Variants in EXOC6 observed in about 807,000 individuals in gnomAD.
EXOC6 encodes exocyst complex component 6.
EXOC6 carries 60 observed loss-of-function variants against 112.5 expected under a neutral mutation model. That is an observed-to-expected ratio of 0.53 (90% CI 0.43 to 0.66). The LOEUF (loss-of-function observed/expected upper bound fraction) is 0.66, where lower values mean the gene tolerates loss of function less well. EXOC6 is among the 30% of genes least tolerant of loss of function. EXOC6 has a pLI of 0.00. For synonymous variants in EXOC6, 295 were observed against 308.0 expected, an observed-to-expected ratio of 0.96 and a Z score of 0.44; for missense variants, 855 against 957.1, an observed-to-expected ratio of 0.89 and a Z score of 1.41.
At chr10:92,932,313 C>T (rs1852087702) in intron 9 of EXOC6, among the ~76,000 whole-genome samples, 1 of 152,014 alleles carries the variant, frequency 6.6e-6, no homozygotes, top group African/African-American at 2.4e-5. Context: ...TAATTCTCTA[C>T]AAAAGAGCAG....
At chr10:92,917,943 G>A (rs964521396) in intron 7 of EXOC6, among the ~76,000 whole-genome samples, 1 of 152,160 alleles carries the variant, frequency 6.6e-6, no homozygotes, top group African/African-American at 2.4e-5. Context: ...TTTGGGCCAG[G>A]AGTTTGAGAC....
chr10:92,879,716 T>C (rs61860840), intron 1 of EXOC6, among the ~76,000 whole-genome samples: 3,353 of 152,282 alleles, frequency 0.022, 56 homozygotes, highest in African/African-American at 0.041. Flanking sequence ...ATATGTAACT[T>C]TTATATATTT....
intron 14 of EXOC6, among the ~76,000 whole-genome samples, chr10:92,950,789 C>T (rs1405392676): frequency 6.6e-6 from 1 of 152,108 alleles, no homozygotes. Flanking sequence ...AAAAACATAA[C>T]CAGATTTGTG....
chr10:93,059,314 A>T lies in EXOC6; in HGVS notation c.*959A>T, dbSNP rs1337987807. ...ATGTTTCCGTGGTCCAAATGGCAAT[A>T]TAAATCCAGTCTTTATTCTCCCTTT... On this transcript the variant is annotated 3_prime_UTR_variant, in exon 22 of 22. Transcript: ENST00000260762. 6.6e-6 allele frequency: 1 copy of T among 152,246 alleles called. No homozygotes were observed. Among genetic ancestry groups the T allele is most frequent in the Non-Finnish European group, 1.5e-5 (1 of 68,046 alleles). 9.4% of individuals were successfully genotyped at this position (152,246 alleles called of 1,614,324 possible). A position where few individuals can be genotyped will look rare whatever the true frequency, so the allele number is the denominator to read the frequency against.
chr10:92,929,014 C>T (rs1224832447), intron 9 of EXOC6, among the ~76,000 whole-genome samples: 2 of 152,176 alleles, frequency 1.3e-5, no homozygotes, highest in African/African-American at 4.8e-5. Context: ...CTGAATATAG[C>T]TTTTATCCTA....
At chr10:92,929,669 A>C (rs1446992031) in intron 9 of EXOC6, among the ~76,000 whole-genome samples, 1 of 152,246 alleles carries the variant, frequency 6.6e-6, no homozygotes, top group African/African-American at 2.4e-5. Flanking sequence ...ATGTGAAGAA[A>C]TATCAGGTAG....
intron 20 of EXOC6, among the ~76,000 whole-genome samples, chr10:93,044,837 G>A (rs1845929856): frequency 6.6e-6 from 1 of 152,010 alleles, no homozygotes; most frequent in Non-Finnish European, 1.5e-5. Flanking sequence ...GGTGCCTCTG[G>A]GGACTTAAAT....
intron 20 of EXOC6, among the ~76,000 whole-genome samples, chr10:93,016,876 G>T (rs895582595): frequency 6.6e-6 from 1 of 151,286 alleles, no homozygotes; most frequent in Non-Finnish European, 1.5e-5. Context: ...GCAGTGGCGC[G>T]ATCTTGGCTC....
intron 18 of EXOC6, among the ~76,000 whole-genome samples, chr10:92,978,948 A>G (rs192331767): frequency 1.1e-3 from 175 of 152,302 alleles, no homozygotes; most frequent in Non-Finnish European, 2.1e-3. Context: ...CGTTAGAGTC[A>G]ATGGAAGCTG....
upstream of EXOC6, among the ~76,000 whole-genome samples, chr10:92,831,833 G>T (rs937995115): frequency 6.6e-6 from 1 of 152,228 alleles, no homozygotes; most frequent in Non-Finnish European, 1.5e-5. Context: ...GAGAGTAAAT[G>T]TGGCAAAATA....
intron 6 of EXOC6, among the ~76,000 whole-genome samples, chr10:92,910,711 C>T (rs1244770706): frequency 3.3e-5 from 5 of 152,100 alleles, no homozygotes; most frequent in Non-Finnish European, 7.4e-5. Context: ...GGGCAGATCA[C>T]GAGGTCAGGA....
chr10:93,000,900 T>C (rs559432378), intron 19 of EXOC6, among the ~76,000 whole-genome samples: 2 of 152,314 alleles, frequency 1.3e-5, no homozygotes, highest in Admixed American at 1.3e-4. Context: ...GTGATTGATA[T>C]ATAAATCGTT....
intron 13 of EXOC6, among the ~76,000 whole-genome samples, chr10:92,946,404 AT>A (rs1484386967): frequency 6.6e-6 from 1 of 151,964 alleles, no homozygotes; most frequent in Non-Finnish European, 1.5e-5. Flanking sequence ...AAAAAAAAAA[AT>A]TAAAAAAAGT....
intron 19 of EXOC6, among the ~76,000 whole-genome samples, chr10:93,002,359 C>T (rs879338277): frequency 2.2e-4 from 34 of 152,078 alleles, no homozygotes; most frequent in Non-Finnish European, 4.3e-4. Flanking sequence ...TGAACAAAAC[C>T]TGTTATTCAT....
chr10:92,858,029 C>CCCCCA (rs1564777130), intron 1 of EXOC6, among the ~76,000 whole-genome samples: 2 of 136,006 alleles, frequency 1.5e-5, no homozygotes, highest in Admixed American at 1.5e-4. Context: ...GGTTCCCCCC[C>CCCCCA]TCCGCCGGCC....
At chr10:92,914,609 G>GA (rs1850981413) in intron 6 of EXOC6, among the ~76,000 whole-genome samples, 1 of 152,190 alleles carries the variant, frequency 6.6e-6, no homozygotes, top group Non-Finnish European at 1.5e-5. Flanking sequence ...GGCACAGAGG[G>GA]AAAGGGAATA....
upstream of EXOC6, chr10:92,834,669 T>TTA (rs1491354799): frequency 1.6e-6 from 2 of 1,264,194 alleles, no homozygotes; most frequent in African/African-American, 3.0e-5. Context: ...ATTTTTTTTT[T>TTA]TATAAATTAC....
intron 8 of EXOC6, among the ~76,000 whole-genome samples, chr10:92,924,840 T>A (rs1344730686): frequency 6.6e-6 from 1 of 152,106 alleles, no homozygotes; most frequent in Non-Finnish European, 1.5e-5. Context: ...CACTTCTGAA[T>A]CTCCAATGTT....
At chr10:92,866,946 G>C (rs1180183386) in intron 1 of EXOC6, among the ~76,000 whole-genome samples, 2 of 152,050 alleles carry the variant, frequency 1.3e-5, no homozygotes, top group African/African-American at 4.8e-5. Context: ...GTATCAATAA[G>C]CCAGTCAGAA....
Sources: gnomAD v4.1 joint callset for allele counts (sites outside exome capture counted in the v4.1 genomes callset) on GRCh38, gnomAD v4.1.1 for gene constraint, MANE v1.5 for transcripts, NCBI Gene and HGNC (gene_info 2026-07-23, HGNC 2026-07-21) for gene names.